The following PIBF1 variants were observed in gnomAD, a reference collection of about 807,000 sequenced individuals.
PIBF1 encodes the protein progesterone immunomodulatory binding factor 1, also known as progesterone-induced-blocking factor 1.
Under a neutral mutation model 112.5 loss-of-function variants are expected in PIBF1, and 90 were observed. The ratio of observed to expected loss-of-function variants is 0.80; its 90% CI spans 0.67 to 0.95. The LOEUF (loss-of-function observed/expected upper bound fraction) is 0.95, where lower values mean the gene tolerates loss of function less well. PIBF1 is among the 40% of genes least tolerant of loss of function. PIBF1 has a pLI of 0.00. For missense variants in PIBF1, 915 were observed against 852.3 expected, an observed-to-expected ratio of 1.07 and a Z score of -0.92; for synonymous variants, 301 against 288.6, an observed-to-expected ratio of 1.04 and a Z score of -0.44.
rs1491281184 is a variant in PIBF1, at chr13:72,832,071, C to CTTTTTTTTTTTTTTT, written c.1098-3172_1098-3171insTTTTTTTTTTTTTTT. Among the ~76,000 whole-genome samples the CTTTTTTTTTTTTTTT allele has an allele frequency of 8.4e-4, 50 of 59,494 alleles. 16 individuals are homozygous for CTTTTTTTTTTTTTTT. Among genetic ancestry groups the CTTTTTTTTTTTTTTT allele is most frequent in the African/African-American group, 1.3e-3 (23 of 17,832 alleles). 39.0% of individuals were successfully genotyped at this position (59,494 alleles called of 152,430 possible). On this transcript the variant is annotated intron_variant, in intron 8 of 17. Coordinates refer to ENST00000326291, the MANE Select transcript of PIBF1 (RefSeq NM_006346.4). Reference sequence around the variant, plus strand: ...TCAGAGATTAGAATTGCAATTCCGGCCTTTTTTTTTTTTTTTTTTTTTTTT... The same window carrying CTTTTTTTTTTTTTTT: ...TCAGAGATTAGAATTGCAATTCCGGCTTTTTTTTTTTTTTTCTTTTTTTTTTTTTTTTTTTTTTTT...
At chr13:72,940,944 A>G (rs935296472) in intron 14 of PIBF1, among the ~76,000 whole-genome samples, 1 of 151,862 alleles carries the variant, frequency 6.6e-6, no homozygotes, top group Non-Finnish European at 1.5e-5. Flanking sequence ...CTATCTGTAA[A>G]TTGTCAGAGT....
chr13:72,946,038 G>A (rs1407150374), intron 14 of PIBF1, among the ~76,000 whole-genome samples: 2 of 152,082 alleles, frequency 1.3e-5, no homozygotes, highest in Non-Finnish European at 2.9e-5. Flanking sequence ...CTCCAACTGA[G>A]TGAGCTTCCA....
At chr13:72,864,535 TTGTGTGTGTGCGCATGTGCGTGCA>T (rs2038842474) in intron 10 of PIBF1, among the ~76,000 whole-genome samples, 1 of 151,888 alleles carries the variant, frequency 6.6e-6, no homozygotes, top group Non-Finnish European at 1.5e-5. Flanking sequence ...TAAGAGTGAG[TTGTGTGTGTGCGCATGTGCGTGCA>T]TGTGTGTGTG....
intron 10 of PIBF1, among the ~76,000 whole-genome samples, chr13:72,862,628 TAAC>T (rs1157009283): frequency 6.6e-6 from 1 of 151,798 alleles, no homozygotes; most frequent in Non-Finnish European, 1.5e-5. Flanking sequence ...AATATACAAA[TAAC>T]AATAATTTTT....
chr13:72,818,678 C>CTTTTTTTTT lies in PIBF1; in HGVS notation c.673-3157_673-3149dup, dbSNP rs3077726. ...TTGCCACCATGTTATCAGTCTTAAA[C>CTTTTTTTTT]TTTTTTTTTTTTTTTTTTTTTTGCC... On this transcript the variant is annotated intron_variant, in intron 5 of 17. Coordinates refer to ENST00000326291, the MANE Select transcript of PIBF1 (RefSeq NM_006346.4). 1.9e-4 allele frequency among the ~76,000 whole-genome samples: 15 copies of CTTTTTTTTT among 80,372 alleles called. 2 individuals are homozygous for CTTTTTTTTT. Among genetic ancestry groups the CTTTTTTTTT allele is most frequent in the African/African-American group, 5.1e-4 (10 of 19,762 alleles). The allele number at this position is 80,372 out of a possible 152,430, so 52.7% of individuals were successfully genotyped here. A position where few individuals can be genotyped will look rare whatever the true frequency, so the allele number is the denominator to read the frequency against.
chr13:72,859,112 A>G (rs963845708), intron 10 of PIBF1, among the ~76,000 whole-genome samples: 9 of 152,128 alleles, frequency 5.9e-5, no homozygotes, highest in African/African-American at 1.7e-4. Flanking sequence ...AGCCTTAGAT[A>G]TAATATATTT....
At chr13:72,937,492 C>T (rs2041901902) in intron 14 of PIBF1, among the ~76,000 whole-genome samples, 1 of 152,176 alleles carries the variant, frequency 6.6e-6, no homozygotes, top group Non-Finnish European at 1.5e-5. Context: ...CACATATAAA[C>T]TCCCATACTA....
At chr13:72,925,120 G>A (rs578197392) in intron 13 of PIBF1, among the ~76,000 whole-genome samples, 133 of 152,302 alleles carry the variant, frequency 8.7e-4, no homozygotes, top group African/African-American at 3.1e-3. Flanking sequence ...ATAATTTAGA[G>A]ATAGAGTAAA....
At chr13:72,895,529 G>A (rs961292312) in intron 11 of PIBF1, among the ~76,000 whole-genome samples, 18 of 151,694 alleles carry the variant, frequency 1.2e-4, no homozygotes, top group South Asian at 1.0e-3. Context: ...ATAAATAAAT[G>A]AAAATATGAA....
At chr13:72,989,313 C>G (rs756194716) in intron 16 of PIBF1, among the ~76,000 whole-genome samples, 1 of 152,094 alleles carries the variant, frequency 6.6e-6, no homozygotes, top group Non-Finnish European at 1.5e-5. Context: ...TCATAGTAAC[C>G]AAAAAGTGGA....
At chr13:72,880,181 T>C (rs969590239) in intron 10 of PIBF1, among the ~76,000 whole-genome samples, 4 of 152,210 alleles carry the variant, frequency 2.6e-5, no homozygotes, top group Admixed American at 1.3e-4. Context: ...AGGAAAATTA[T>C]GACTTTGAAC....
intron 2 of PIBF1, among the ~76,000 whole-genome samples, chr13:72,790,689 T>C (rs2034879240): frequency 6.6e-6 from 1 of 151,966 alleles, no homozygotes; most frequent in Non-Finnish European, 1.5e-5. Flanking sequence ...TAAGAGTATT[T>C]AGTGAGTTAA....
At chr13:72,935,858 T>C (rs2041856939) in intron 14 of PIBF1, among the ~76,000 whole-genome samples, 2 of 152,078 alleles carry the variant, frequency 1.3e-5, no homozygotes, top group South Asian at 4.1e-4. Context: ...TCCTCACATT[T>C]TTTGTCTGTT....
chr13:72,942,151 G>A (rs1221156701), intron 14 of PIBF1, among the ~76,000 whole-genome samples: 1 of 151,480 alleles, frequency 6.6e-6, no homozygotes, highest in East Asian at 1.9e-4. Context: ...ACAACTCACA[G>A]GACCACACCT....
intron 4 of PIBF1, 26 bp downstream of exon 4, chr13:72,795,583 C>A: frequency 4.5e-6 from 6 of 1,343,960 alleles, no homozygotes; most frequent in Non-Finnish European, 6.3e-6. Context: ...CTATTTTTAA[C>A]TATGACATAT....
intron 6 of PIBF1, among the ~76,000 whole-genome samples, chr13:72,824,848 G>A (rs975080835): frequency 1.3e-5 from 2 of 152,108 alleles, no homozygotes; most frequent in African/African-American, 2.4e-5. Context: ...ATAAACTGAC[G>A]TCACATACCT....
chr13:73,014,947 G>T (rs1292997704), intron 17 of PIBF1, among the ~76,000 whole-genome samples: 1 of 152,148 alleles, frequency 6.6e-6, no homozygotes, highest in South Asian at 2.1e-4. Context: ...ACCATGCCTG[G>T]CTAATTTTTT....
At chr13:72,960,942 T>C (rs1384834812) in intron 14 of PIBF1, among the ~76,000 whole-genome samples, 1 of 151,810 alleles carries the variant, frequency 6.6e-6, no homozygotes, top group African/African-American at 2.4e-5. Context: ...AAGCTATTCA[T>C]GGTATTTTTT....
At chr13:72,967,880 T>C (rs1369090073) in intron 15 of PIBF1, among the ~76,000 whole-genome samples, 1 of 152,140 alleles carries the variant, frequency 6.6e-6, no homozygotes, top group African/African-American at 2.4e-5. Context: ...GAACTTTCTA[T>C]AATGATAAAA....
Sources: allele counts gnomAD v4.1 joint callset (sites outside exome capture counted in the v4.1 genomes callset), GRCh38; gene constraint gnomAD v4.1.1; transcripts MANE v1.5; gene names NCBI Gene and HGNC (gene_info 2026-07-23, HGNC 2026-07-21).